OPCML: variants seen among roughly 807,000 people sequenced by gnomAD.
The protein encoded by OPCML is opioid binding protein/cell adhesion molecule like, also known as opioid-binding protein/cell adhesion molecule.
A neutral mutation model predicts 37.8 loss-of-function variants in OPCML; 13 were observed. The observed-to-expected ratio is 0.34, with a 90% CI of 0.22 to 0.55. OPCML has a LOEUF of 0.55. OPCML is among the 20% of genes least tolerant of loss of function. The pLI is 0.91. For synonymous variants in OPCML, 176 were observed against 168.8 expected (o/e 1.04, Z -0.33); for missense variants, 341 against 435.6 (o/e 0.78, Z 1.93).
At chr11:132,945,827 G>A (rs912889534) in intron 1 of OPCML, among the ~76,000 whole-genome samples, 1 of 152,090 alleles carries the variant, frequency 6.6e-6, no homozygotes, top group Non-Finnish European at 1.5e-5. Context: ...CTGTCACCCA[G>A]GCTGGAGTGC....
intron 2 of OPCML, among the ~76,000 whole-genome samples, chr11:132,682,622 A>G (rs1245578349): frequency 6.6e-6 from 1 of 152,226 alleles, no homozygotes; most frequent in East Asian, 1.9e-4. Context: ...AGGGCAATAA[A>G]GAGGCGATAA....
chr11:132,950,322 G>T (rs1031681086), intron 1 of OPCML, among the ~76,000 whole-genome samples: 3 of 152,120 alleles, frequency 2.0e-5, no homozygotes, highest in Non-Finnish European at 2.9e-5. Flanking sequence ...AGAGGTGAGG[G>T]GTGCATTCCT....
intron 1 of OPCML, among the ~76,000 whole-genome samples, chr11:133,521,725 C>T (rs964681999): frequency 2.6e-5 from 4 of 152,258 alleles, no homozygotes; most frequent in African/African-American, 7.2e-5. Context: ...AGCCTGTAAG[C>T]TGATGGGCTA....
intron 2 of OPCML, among the ~76,000 whole-genome samples, chr11:132,676,796 A>G (rs1942728444): frequency 6.6e-6 from 1 of 151,300 alleles, no homozygotes; most frequent in South Asian, 2.1e-4. Context: ...CAAGAAAAAA[A>G]AAAAAAAAGA....
chr11:132,703,850 C>T (rs1186817325), intron 2 of OPCML, among the ~76,000 whole-genome samples: 1 of 152,164 alleles, frequency 6.6e-6, no homozygotes, highest in Non-Finnish European at 1.5e-5. Context: ...AGCCTGAGTC[C>T]ATGAATCTAG....
chr11:132,495,894 CAAAAAAA>C (rs202115452), intron 4 of OPCML, among the ~76,000 whole-genome samples: 1 of 100,068 alleles, frequency 1.0e-5, no homozygotes, highest in African/African-American at 3.6e-5. Context: ...GACTCCATCT[CAAAAAAA>C]AAAAAAAAAA....
intron 1 of OPCML, among the ~76,000 whole-genome samples, chr11:132,948,425 G>C (rs1230436772): frequency 6.6e-6 from 1 of 152,198 alleles, no homozygotes; most frequent in Non-Finnish European, 1.5e-5. Flanking sequence ...TACGGCAGTG[G>C]GGGTGGTTCT....
At chr11:132,798,865 A>C (rs544242149) in intron 2 of OPCML, among the ~76,000 whole-genome samples, 1 of 152,232 alleles carries the variant, frequency 6.6e-6, no homozygotes, top group Non-Finnish European at 1.5e-5. Flanking sequence ...TCTTGGGTAG[A>C]TTGTCAAAGA....
intron 4 of OPCML, among the ~76,000 whole-genome samples, chr11:132,462,516 G>C (rs1012032778): frequency 6.6e-6 from 1 of 152,198 alleles, no homozygotes; most frequent in African/African-American, 2.4e-5. Flanking sequence ...AGCTGGAAGC[G>C]AGTGGCATTG....
intron 1 of OPCML, among the ~76,000 whole-genome samples, chr11:133,276,456 T>C (rs1433113989): frequency 6.6e-6 from 1 of 152,136 alleles, no homozygotes; most frequent in East Asian, 1.9e-4. Context: ...GCAACAGCCA[T>C]GCACACAATG....
intron 3 of OPCML, among the ~76,000 whole-genome samples, chr11:132,555,123 A>G (rs1227178618): frequency 6.6e-6 from 1 of 152,120 alleles, no homozygotes; most frequent in African/African-American, 2.4e-5. Context: ...CACAAGGGAA[A>G]ATCATGTCTG....
intron 4 of OPCML, among the ~76,000 whole-genome samples, chr11:132,481,145 A>T (rs1382109229): frequency 6.6e-6 from 1 of 152,234 alleles, no homozygotes; most frequent in Non-Finnish European, 1.5e-5. Context: ...ATAAAGAGTC[A>T]AGACCCATCA....
rs1358755997 is a variant in OPCML at position 132,569,433 on chromosome 11, T to C, written c.380-40247A>G. On this transcript the variant is annotated intron_variant, in intron 3 of 7. Transcript: ENST00000524381. ...TGTTTGTTGTTTAAGCTACCCATTC[T>C]CTGGCAGGCCTAGACAAGTCATACA... Among the ~76,000 whole-genome samples, 24 of 152,200 alleles carry C rather than the reference T, an allele frequency of 1.6e-4. 1 individual carries two copies. Among genetic ancestry groups the C allele is most frequent in the Admixed American group, 1.6e-3 (24 of 15,288 alleles).
chr11:132,756,742 G>T (rs73601340), intron 2 of OPCML, among the ~76,000 whole-genome samples: 1 of 152,058 alleles, frequency 6.6e-6, no homozygotes, highest in Non-Finnish European at 1.5e-5. Flanking sequence ...ATAGAATGCC[G>T]TACTAAGAAC....
At chr11:133,003,686 T>C in intron 1 of OPCML, 1 of 985,448 alleles carries the variant, frequency 1.0e-6, no homozygotes, top group Non-Finnish European at 1.2e-6. Context: ...CCCAGCATTC[T>C]ATTGCTTCCG....
chr11:132,494,902 T>C (rs923722989), intron 4 of OPCML, among the ~76,000 whole-genome samples: 1 of 152,210 alleles, frequency 6.6e-6, no homozygotes, highest in Non-Finnish European at 1.5e-5. Context: ...AGGAAGCTAT[T>C]AATTGTCTTA....
In OPCML at chr11:133,048,084, G is replaced by A. The variant is rs113524683; in HGVS notation, c.62-105074C>T. ...TCGGGCTTGAGGAATCGGGTAAGAC[G>A]CATGCATGGCTTCCCCAGATGGAAT... On this transcript the variant is annotated intron_variant, in intron 1 of 7. Transcript: ENST00000524381. Among the ~76,000 whole-genome samples the A allele has an allele frequency of 7.3e-3, 1,113 of 152,196 alleles. 25 individuals are homozygous for A. The highest frequency in any genetic ancestry group is 0.026 in the African/African-American group (1,079 of 41,544).
At chr11:133,325,903 C>A (rs1943437923) in intron 1 of OPCML, among the ~76,000 whole-genome samples, 2 of 152,202 alleles carry the variant, frequency 1.3e-5, no homozygotes, top group South Asian at 4.1e-4. Context: ...CCTCTTCAGT[C>A]TTTTGTGTGC....
intron 1 of OPCML, among the ~76,000 whole-genome samples, chr11:133,340,753 G>A (rs887679617): frequency 1.3e-5 from 2 of 151,978 alleles, no homozygotes; most frequent in African/African-American, 2.4e-5. Flanking sequence ...GTGTGTGTGT[G>A]CTAGGTAGAG....
Sources: gnomAD v4.1 joint callset for allele counts (sites outside exome capture counted in the v4.1 genomes callset) on GRCh38, gnomAD v4.1.1 for gene constraint, MANE v1.5 for transcripts, NCBI Gene and HGNC (gene_info 2026-07-23, HGNC 2026-07-21) for gene names.